EYS: variants seen among roughly 807,000 people sequenced by gnomAD.
EYS encodes the protein EGF-like photoreceptor maintenance factor.
EYS carries 250 observed loss-of-function variants against 282.1 expected under a neutral mutation model. The ratio of observed to expected loss-of-function variants is 0.89; its 90% CI spans 0.80 to 0.98. EYS has a LOEUF of 0.98. Ranked by LOEUF, EYS falls within the 50% of genes least tolerant of loss-of-function variation. The pLI is 0.00. For missense variants in EYS, 4,016 were observed against 3,709.0 expected (o/e 1.08, Z -2.15); for synonymous variants, 1,355 against 1,282.9 (o/e 1.06, Z -1.20).
chr6:63,962,869 A>T (rs1766134813), intron 35 of EYS, among the ~76,000 whole-genome samples: 1 of 152,184 alleles, frequency 6.6e-6, no homozygotes, highest in African/African-American at 2.4e-5. Flanking sequence ...CAAATGCCCA[A>T]CAACGATAGA....
At chr6:65,425,939 T>C (rs1050563542) in intron 5 of EYS, among the ~76,000 whole-genome samples, 3 of 152,102 alleles carry the variant, frequency 2.0e-5, no homozygotes, top group African/African-American at 7.2e-5. Context: ...AACTGAAGAC[T>C]ACAGAACAAA....
chr6:63,979,826 G>A (rs373633142), intron 35 of EYS, among the ~76,000 whole-genome samples: 1 of 151,838 alleles, frequency 6.6e-6, no homozygotes, highest in African/African-American at 2.4e-5. Flanking sequence ...GAAAATTCTA[G>A]TACAGATTTA....
intron 2 of EYS, among the ~76,000 whole-genome samples, chr6:65,556,654 A>G (rs996335655): frequency 1.3e-5 from 2 of 152,164 alleles, no homozygotes; most frequent in East Asian, 3.9e-4. Context: ...AGGTATTTTC[A>G]GAAAAAAATA....
At chr6:63,964,810 C>CAGTT (rs143043418) in intron 35 of EYS, among the ~76,000 whole-genome samples, 2,607 of 152,210 alleles carry the variant, frequency 0.017, 62 homozygotes, top group African/African-American at 0.053. Context: ...TATGATTTAA[C>CAGTT]AGACAAGTAA....
chr6:65,282,408 C>T (rs1483632062), intron 12 of EYS, among the ~76,000 whole-genome samples: 1 of 151,666 alleles, frequency 6.6e-6, no homozygotes, highest in African/African-American at 2.4e-5. Flanking sequence ...ACAAAATGAA[C>T]TAAAATTAAA....
chr6:65,255,867 T>C (rs577518434), intron 12 of EYS, among the ~76,000 whole-genome samples: 60 of 152,142 alleles, frequency 3.9e-4, no homozygotes, highest in African/African-American at 1.4e-3. Flanking sequence ...GATGAGGATG[T>C]GAGGAAAGGG....
intron 2 of EYS, among the ~76,000 whole-genome samples, chr6:65,604,449 G>T (rs1265407698): frequency 6.6e-6 from 1 of 151,856 alleles, no homozygotes; most frequent in Non-Finnish European, 1.5e-5. Context: ...ACATTAAAGA[G>T]TTCAAAAGAG....
At chr6:64,331,424 C>T (rs186270728) in intron 29 of EYS, among the ~76,000 whole-genome samples, 1 of 152,224 alleles carries the variant, frequency 6.6e-6, no homozygotes, top group African/African-American at 2.4e-5. Context: ...GCTGCAATGA[C>T]AGAGGTAACT....
At chr6:65,202,368 T>G (rs1765923651) in intron 12 of EYS, among the ~76,000 whole-genome samples, 7 of 152,144 alleles carry the variant, frequency 4.6e-5, no homozygotes, top group Admixed American at 4.6e-4. Flanking sequence ...TACATATATA[T>G]AAATTCAGAA....
At position 64,401,813 on chromosome 6, in the gene EYS, C is replaced by T. The variant is rs116804181; in HGVS notation, c.5928-12973G>A. 2.7e-3 allele frequency among the ~76,000 whole-genome samples: 404 copies of T among 152,174 alleles called. 2 individuals carry two copies. Among genetic ancestry groups the T allele is most frequent in the African/African-American group, 9.0e-3 (372 of 41,546 alleles). ...GACATGGAACTGTCCCCAGATTCCA[C>T]TATATCTTGTCATATCTCTGAAAAA... On this transcript the variant is annotated intron_variant, in intron 28 of 42. Coordinates refer to ENST00000503581, the MANE Select transcript of EYS (RefSeq NM_001142800.2).
At chr6:64,709,151 T>C (rs1771125698) in intron 22 of EYS, among the ~76,000 whole-genome samples, 2 of 152,212 alleles carry the variant, frequency 1.3e-5, no homozygotes, top group South Asian at 4.1e-4. Flanking sequence ...GTAATTATCT[T>C]TGAGTGTTAG....
At chr6:64,621,207 G>A (rs566415378) in intron 23 of EYS, among the ~76,000 whole-genome samples, 1 of 152,114 alleles carries the variant, frequency 6.6e-6, no homozygotes, top group South Asian at 2.1e-4. Flanking sequence ...TAGAAATATT[G>A]ACCAGTTTTA....
At chr6:64,172,566 C>T (rs1395970942) in intron 31 of EYS, among the ~76,000 whole-genome samples, 4 of 152,162 alleles carry the variant, frequency 2.6e-5, no homozygotes, top group African/African-American at 9.7e-5. Context: ...ATCAGTCTCA[C>T]TTCTGGGTAT....
rs184353179 is a variant in EYS, at chr6:64,011,805, G to A, written c.6726-12622C>T. Among the ~76,000 whole-genome samples, 350 of 152,222 alleles carry A rather than the reference G, an allele frequency of 2.3e-3. 1 individual carries two copies. Among genetic ancestry groups the A allele is most frequent in the Non-Finnish European group, 3.6e-3 (246 of 68,004 alleles). On this transcript the variant is annotated intron_variant, in intron 33 of 42. Transcript: ENST00000503581. ...GCATGAAGCCATGATGTAACAGTAAGAAAACTGAACAGCACCAACTGCTTC... is the reference window on the plus strand; with the variant it reads ...GCATGAAGCCATGATGTAACAGTAAAAAAACTGAACAGCACCAACTGCTTC...
At chr6:65,387,311 C>G (rs1040687447) in intron 7 of EYS, among the ~76,000 whole-genome samples, 1 of 151,788 alleles carries the variant, frequency 6.6e-6, no homozygotes, top group Admixed American at 6.6e-5. Flanking sequence ...AATTCCATCA[C>G]CAGCATTTTG....
intron 31 of EYS, among the ~76,000 whole-genome samples, chr6:64,197,109 A>G (rs1160948794): frequency 6.6e-6 from 1 of 152,172 alleles, no homozygotes; most frequent in Non-Finnish European, 1.5e-5. Flanking sequence ...GCAGAGATTC[A>G]ATAAAAGTTG....
chr6:64,613,091 C>T (rs1247273386), intron 24 of EYS, among the ~76,000 whole-genome samples: 6 of 152,126 alleles, frequency 3.9e-5, no homozygotes. Context: ...GTTCTTTACA[C>T]AGATTGCATG....
At chr6:64,033,313 T>C (rs1378993600) in intron 33 of EYS, among the ~76,000 whole-genome samples, 3 of 152,176 alleles carry the variant, frequency 2.0e-5, no homozygotes, top group African/African-American at 7.2e-5. Flanking sequence ...AAAGGCTCCT[T>C]TTACTCTAAT....
At chr6:65,545,900 G>C (rs1768366995) in intron 2 of EYS, among the ~76,000 whole-genome samples, 1 of 151,976 alleles carries the variant, frequency 6.6e-6, no homozygotes, top group Non-Finnish European at 1.5e-5. Context: ...AGTTACACTT[G>C]TATACACTAG....
Sources: gnomAD v4.1 joint callset for allele counts (sites outside exome capture counted in the v4.1 genomes callset) on GRCh38, gnomAD v4.1.1 for gene constraint, MANE v1.5 for transcripts, NCBI Gene and HGNC (gene_info 2026-07-23, HGNC 2026-07-21) for gene names.